CCDC33: variants seen among roughly 807,000 people sequenced by gnomAD.
CCDC33 encodes the protein coiled-coil domain containing 33, also known as coiled-coil domain-containing protein 33.
A neutral mutation model predicts 91.9 loss-of-function variants in CCDC33; 94 were observed. That is an observed-to-expected ratio of 1.02 (90% CI 0.87 to 1.21). CCDC33 has a LOEUF of 1.21. CCDC33 is among the 50% of genes most tolerant of loss of function. The pLI is 0.00. For missense variants in CCDC33, 940 were observed against 935.5 expected (o/e 1.00, Z -0.06); for synonymous variants, 396 against 374.5 (o/e 1.06, Z -0.66).
intron 10 of CCDC33, among the ~76,000 whole-genome samples, chr15:74,293,060 G>A (rs2059614811): frequency 6.6e-6 from 1 of 152,176 alleles, no homozygotes; most frequent in African/African-American, 2.4e-5. Flanking sequence ...TCAGCTCTGG[G>A]TTATTGCATT....
Position 74,262,527 on chromosome 15 carries a change from G to A in CCDC33, c.273G>A (p.Gly91=), listed in dbSNP as rs267604316. 6.2e-7 allele frequency: 1 copy of A among 1,613,874 alleles called. No homozygotes were observed. The highest frequency in any genetic ancestry group is 2.2e-5 in the East Asian group (1 of 44,858). The change falls in exon 3 of 19, where the codon GGG becomes GGA. Residue 91 remains glycine (G), a synonymous_variant. Coordinates refer to ENST00000398814, the MANE Select transcript of CCDC33 (RefSeq NM_025055.5). ...AGCCCACCAGAGCCCCTATCTGGGG[G>A]GACACGGTGAATGTGGAGATCCAAG... is the stretch of plus-strand genomic sequence containing the variant. ...TSEPTRAPIW[G]DTVNVEIQAE... is the part of the protein sequence containing the mutation.
At chr15:74,209,217 C>A in intron 1 of CCDC33, 1 of 1,065,704 alleles carries the variant, frequency 9.4e-7, no homozygotes, top group Non-Finnish European at 1.3e-6. Context: ...GCGGTATAGC[C>A]TCTCCACACC....
At chr15:74,241,421 G>A (rs181163757) in intron 1 of CCDC33, among the ~76,000 whole-genome samples, 24 of 152,352 alleles carry the variant, frequency 1.6e-4, no homozygotes, top group Non-Finnish European at 1.5e-5. Flanking sequence ...AGCTAGGGCA[G>A]AGGCGGGGAG....
chr15:74,327,774 G>A (rs2060339230), intron 11 of CCDC33, among the ~76,000 whole-genome samples: 1 of 152,192 alleles, frequency 6.6e-6, no homozygotes. Context: ...GGAACTGGCA[G>A]CCCCCTCCCC....
rs147667900 is a variant in CCDC33, at chr15:74,296,978, A to G, written c.1290+1030A>G. Among the ~76,000 whole-genome samples, 174 of 152,334 alleles carry G rather than the reference A, an allele frequency of 1.1e-3. 2 individuals are homozygous for G. The highest frequency in any genetic ancestry group is 4.1e-3 in the African/African-American group (172 of 41,582). The stretch of plus-strand genomic sequence containing the variant: ...AGGCCCCAGACAAGGCCACCAGTCC[A>G]CAGGGAAGTCCAAGCCATCCTCCTC... On this transcript the variant is annotated intron_variant, in intron 11 of 18. Transcript: ENST00000398814.
intron 1 of CCDC33, among the ~76,000 whole-genome samples, chr15:74,241,408 A>G (rs1485950147): frequency 6.6e-6 from 1 of 152,192 alleles, no homozygotes; most frequent in East Asian, 1.9e-4. Flanking sequence ...GAGCAGAGGA[A>G]ACAGCTAGGG....
chr15:74,276,122 T>G (rs923183301), intron 7 of CCDC33, among the ~76,000 whole-genome samples: 2 of 152,174 alleles, frequency 1.3e-5, no homozygotes, highest in Non-Finnish European at 2.9e-5. Flanking sequence ...GGCTCTGCCT[T>G]GCTGGTATAA....
chr15:74,295,716 G>C, intron 10 of CCDC33, 38 bp from the exon 11 acceptor site: 1 of 1,549,950 alleles, frequency 6.5e-7, no homozygotes, highest in Non-Finnish European at 8.8e-7. Context: ...ACAGAGAAGG[G>C]GCCTGTCCTG....
chr15:74,284,424 G>A (rs2059432435), intron 10 of CCDC33, among the ~76,000 whole-genome samples: 1 of 152,184 alleles, frequency 6.6e-6, no homozygotes, highest in African/African-American at 2.4e-5. Flanking sequence ...AGGTCAGATG[G>A]CATTGCAGCT....
At chr15:74,207,530 A>G (rs570548699) in intron 1 of CCDC33, among the ~76,000 whole-genome samples, 1 of 151,982 alleles carries the variant, frequency 6.6e-6, no homozygotes, top group East Asian at 1.9e-4. Context: ...AAGGCCAGAG[A>G]CCCCCGTTGC....
At position 74,332,713 on chromosome 15, in the gene CCDC33, G is replaced by A. The variant is rs749626977; in HGVS notation, c.1806G>A (p.Leu602=). 13 of 1,614,062 alleles carry A rather than the reference G, an allele frequency of 8.1e-6. No individual in the cohort carries two copies. Residue 602 remains leucine, a synonymous_variant, in exon 16 of 19, where the codon TTG becomes TTA. Transcript: ENST00000398814. ...TGCTCTCAGCCTCTGGCCTTCCCTT[G>A]GGTTCTATGGGAGAGAACCTGCCGG... ...FPMLSASGLP[L]GSMGENLPVE...
chr15:74,227,065 TATATC>T (rs2074823830), intron 2 of CCDC33, among the ~76,000 whole-genome samples: 1 of 152,066 alleles, frequency 6.6e-6, no homozygotes, highest in South Asian at 2.1e-4. Context: ...AGGTGGAACT[TATATC>T]ACATTTGGCA....
In CCDC33 at chr15:74,333,140, C is replaced by A. The variant is rs1212317635; in HGVS notation, c.1938+295C>A. 1.1e-5 allele frequency: 13 copies of A among 1,172,000 alleles called. 1 individual carries two copies. Among genetic ancestry groups the A allele is most frequent in the Non-Finnish European group, 1.6e-5 (13 of 801,548 alleles). 72.6% of individuals were successfully genotyped at this position (1,172,000 alleles called of 1,614,324 possible). ...TTCACCTGGCTGGCCTCCACCTGGACCCTACACAGGCCTCTCAAAACTCCC... is the reference window on the plus strand; with the variant it reads ...TTCACCTGGCTGGCCTCCACCTGGAACCTACACAGGCCTCTCAAAACTCCC... On this transcript the variant is annotated intron_variant, in intron 16 of 18. Transcript: ENST00000398814.
chr15:74,245,496 A>G (rs941094718), intron 2 of CCDC33, among the ~76,000 whole-genome samples: 2 of 152,140 alleles, frequency 1.3e-5, no homozygotes, highest in African/African-American at 4.8e-5. Context: ...CCGCTCAGCT[A>G]TTTCCATAAA....
intron 2 of CCDC33, among the ~76,000 whole-genome samples, chr15:74,228,915 A>AG (rs762573716): frequency 6.6e-6 from 1 of 152,136 alleles, no homozygotes; most frequent in Non-Finnish European, 1.5e-5. Context: ...GTGTGAGCGA[A>AG]GGGTGGCGGG....
chr15:74,297,191 T>C (rs1360755769), intron 11 of CCDC33, among the ~76,000 whole-genome samples: 1 of 152,214 alleles, frequency 6.6e-6, no homozygotes, highest in Admixed American at 6.5e-5. Context: ...ACAGCACTTA[T>C]GGGCCATCTT....
chr15:74,333,980 CAGG>C lies in CCDC33; in HGVS notation c.2025+16_2025+18del, dbSNP rs773614668. 6.2e-7 allele frequency: 1 copy of C among 1,611,194 alleles called. No homozygotes were observed. The highest frequency in any genetic ancestry group is 1.1e-5 in the South Asian group (1 of 90,930). On this transcript the variant is annotated intron_variant, in intron 17 of 18. Transcript: ENST00000398814. ...CCTGGAAAGCCAGGTGGGTGAGATG[CAGG>C]AGTTGATGAGGCTGGATCAGGCTCA...
At chr15:74,251,255 T>C (rs1399090159) in intron 2 of CCDC33, among the ~76,000 whole-genome samples, 2 of 152,198 alleles carry the variant, frequency 1.3e-5, no homozygotes, top group African/African-American at 4.8e-5. Context: ...TGGGCCAGTC[T>C]CCAGGCCCAG....
intron 1 of CCDC33, among the ~76,000 whole-genome samples, chr15:74,243,124 C>T (rs895300745): frequency 5.3e-5 from 8 of 152,242 alleles, no homozygotes; most frequent in African/African-American, 9.6e-5. Flanking sequence ...GTGTAGGAAG[C>T]CCCCTGCATG....
Sources: gnomAD v4.1 joint callset for allele counts (sites outside exome capture counted in the v4.1 genomes callset) on GRCh38, gnomAD v4.1.1 for gene constraint, MANE v1.5 for transcripts, NCBI Gene and HGNC (gene_info 2026-07-23, HGNC 2026-07-21) for gene names.